The following CTDP1 variants were observed in gnomAD, a reference collection of about 807,000 sequenced individuals.
CTDP1 encodes the protein RNA polymerase II subunit A C-terminal domain phosphatase.
In CTDP1, 47 loss-of-function variants were observed where a neutral mutation model predicts 91.8. The observed-to-expected ratio is 0.51, with a 90% CI of 0.41 to 0.65. The LOEUF (loss-of-function observed/expected upper bound fraction) is 0.65. Among genes scored for constraint, CTDP1 ranks in the 30% least tolerant of loss-of-function variants. The probability of loss-of-function intolerance (pLI) is 0.00; values close to 1 mark genes in which losing one functional copy is unlikely to be tolerated. For synonymous variants in CTDP1, 656 were observed against 598.5 expected (o/e 1.10, Z -1.40); for missense variants, 1,272 against 1,373.7 (o/e 0.93, Z 1.17).
At position 79,724,223 on chromosome 18, in the gene CTDP1, A is replaced by G. The variant is rs561794302; in HGVS notation, c.2418-4684A>G. 3.9e-5 allele frequency among the ~76,000 whole-genome samples: 6 copies of G among 152,382 alleles called. No homozygotes were observed. The East Asian group carries it at 7.7e-4, about 20-fold the overall frequency. ...TGCTCAGCCCGTAAGTGTAACACAG[A>G]TATTTCAAAATTCAAAAATCCAAAA... On this transcript the variant is annotated intron_variant, in intron 10 of 12. Coordinates refer to ENST00000613122, the MANE Select transcript of CTDP1 (RefSeq NM_004715.5).
At chr18:79,706,682 C>T (rs1332662485) in intron 5 of CTDP1, among the ~76,000 whole-genome samples, 1 of 152,174 alleles carries the variant, frequency 6.6e-6, no homozygotes, top group African/African-American at 2.4e-5. Context: ...AAATCTTCAT[C>T]ATTTTATGTA....
At chr18:79,744,501 TTAAC>T (rs2086840072) in intron 12 of CTDP1, among the ~76,000 whole-genome samples, 1 of 152,302 alleles carries the variant, frequency 6.6e-6, no homozygotes, top group South Asian at 2.1e-4. Flanking sequence ...ATTCAGAGCT[TTAAC>T]TATGAGTGGA....
chr18:79,747,124 C>T (rs1480992448), intron 12 of CTDP1, among the ~76,000 whole-genome samples: 6 of 152,064 alleles, frequency 3.9e-5, no homozygotes, highest in African/African-American at 9.7e-5. Context: ...TTTTCCAGTC[C>T]TTTCATACCA....
chr18:79,694,110 T>C (rs991385594), intron 1 of CTDP1, among the ~76,000 whole-genome samples: 1 of 152,206 alleles, frequency 6.6e-6, no homozygotes, highest in Admixed American at 6.5e-5. Flanking sequence ...GGCTGTCTCA[T>C]GTCCGCGGGT....
At chr18:79,715,562 C>T in intron 8 of CTDP1, 34 bp downstream of exon 8, 1 of 1,530,052 alleles carries the variant, frequency 6.5e-7, no homozygotes, top group Non-Finnish European at 8.8e-7. Flanking sequence ...TGGGCATGGT[C>T]AGGCCCGCGG....
rs887121443 is a variant in CTDP1 at position 79,680,144 on chromosome 18, C to G, written c.197C>G (p.Ser66Cys). The G allele has an allele frequency of 2.8e-6, 4 of 1,424,934 alleles. No homozygotes were observed. In the South Asian group the frequency reaches 4.2e-5, roughly 15 times the overall value. The allele number at this position is 1,424,934 out of a possible 1,614,324, so 88.3% of individuals were successfully genotyped here. A position where few individuals can be genotyped will look rare whatever the true frequency, so the allele number is the denominator to read the frequency against. The change falls in exon 1 of 13, where the codon TCC becomes TGC. Residue 66 changes from serine to cysteine, a missense_variant. Physicochemically the swap from Ser to Cys is moderately radical, Grantham distance 112. Around this residue, in one of 3 missense-constraint regions of CTDP1, gnomAD observed 214 missense variants for 179.1 expected, o/e 1.19. Coordinates refer to ENST00000613122, the MANE Select transcript of CTDP1 (RefSeq NM_004715.5). Reference protein sequence around the residue: ...ASAQSSGASQSRVASGGCVRP... With the variant: ...ASAQSSGASQCRVASGGCVRP... The stretch of plus-strand genomic sequence containing the variant: ...GCGCAGTCCTCCGGGGCCTCTCAGT[C>G]CCGTGTAGCCTCCGGGGGCTGCGTG...
chr18:79,693,906 A>C (rs375500986), intron 1 of CTDP1, among the ~76,000 whole-genome samples: 1 of 146,624 alleles, frequency 6.8e-6, no homozygotes, highest in Non-Finnish European at 1.5e-5. Flanking sequence ...CCCCTGCAGG[A>C]TGCAGGCTGC....
intron 4 of CTDP1, 52 bp from the exon 5 acceptor site, chr18:79,704,715 G>T (rs2242176): frequency 1.2e-6 from 2 of 1,608,680 alleles, no homozygotes; most frequent in Non-Finnish European, 1.7e-6. Flanking sequence ...TTGCGGGGGC[G>T]GCCGGGGCTC....
At position 79,747,297 on chromosome 18, in the gene CTDP1, A is replaced by G. The variant is rs531180390; in HGVS notation, c.2748-6355A>G. On this transcript the variant is annotated intron_variant, in intron 12 of 12. Transcript: ENST00000613122. ...CCTGCCCCTCTTCCACCTGTAACAC[A>G]CACAGGTTCATTCTAATGCCATGAG... 8.7e-4 allele frequency among the ~76,000 whole-genome samples: 132 copies of G among 152,260 alleles called. 2 individuals carry two copies. The highest frequency in any genetic ancestry group is 1.7e-3 in the Non-Finnish European group (116 of 68,014).
intron 10 of CTDP1, among the ~76,000 whole-genome samples, chr18:79,722,261 G>A (rs1051404131): frequency 2.0e-5 from 3 of 152,216 alleles, no homozygotes; most frequent in African/African-American, 4.8e-5. Flanking sequence ...CATGGCAGCC[G>A]ATAACTGTGT....
intron 11 of CTDP1, among the ~76,000 whole-genome samples, chr18:79,733,686 A>C (rs1464732900): frequency 6.6e-6 from 1 of 152,102 alleles, no homozygotes; most frequent in African/African-American, 2.4e-5. Flanking sequence ...TCTCATGCTC[A>C]GGATGCTTTC....
intron 4 of CTDP1, among the ~76,000 whole-genome samples, chr18:79,701,218 C>G (rs944617030): frequency 2.0e-5 from 3 of 152,050 alleles, no homozygotes; most frequent in African/African-American, 7.2e-5. Flanking sequence ...TATTTAAGAA[C>G]TACATCTCCT....
upstream of CTDP1, chr18:79,677,189 G>A (rs2085265835): frequency 6.6e-6 from 1 of 152,290 alleles, no homozygotes; most frequent in Admixed American, 6.5e-5. Context: ...CACAGTGAGT[G>A]TGGAGCCCTT....
At chr18:79,711,972 C>T (rs915198302) in intron 6 of CTDP1, among the ~76,000 whole-genome samples, 29 of 11,354 alleles carry the variant, frequency 2.6e-3, no homozygotes, top group African/African-American at 6.5e-3. Context: ...GCTTCAGCCA[C>T]TTCCTGGTTC....
intron 12 of CTDP1, among the ~76,000 whole-genome samples, chr18:79,748,362 G>A (rs1179900839): frequency 6.6e-6 from 1 of 152,208 alleles, no homozygotes; most frequent in Non-Finnish European, 1.5e-5. Context: ...CGCAGCACCA[G>A]GAGGGACCGC....
upstream of CTDP1, chr18:79,679,791 G>A: frequency 1.5e-6 from 1 of 653,686 alleles, no homozygotes; most frequent in South Asian, 1.9e-5. Context: ...GTGACGTCAC[G>A]CGCCCTCCAG....
intron 4 of CTDP1, 26 bp from the exon 5 acceptor site, chr18:79,704,741 C>G: frequency 6.2e-7 from 1 of 1,612,600 alleles, no homozygotes; most frequent in East Asian, 2.2e-5. Context: ...GCCTTTTCTC[C>G]CGACTGTTGC....
Position 79,713,623 on chromosome 18 carries a change from G to C in CTDP1, c.1030+485G>C, listed in dbSNP as rs2086126884. Among the ~76,000 whole-genome samples the C allele has an allele frequency of 6.6e-6, 1 of 152,242 alleles. No individual in the cohort carries two copies. The highest frequency in any genetic ancestry group is 6.5e-5 in the Admixed American group (1 of 15,292). On this transcript the variant is annotated intron_variant, in intron 7 of 12. Coordinates refer to ENST00000613122, the MANE Select transcript of CTDP1 (RefSeq NM_004715.5). The surrounding 1 kb of genome is among the most constrained non-coding windows in gnomAD (Gnocchi z 4.7). ...CTGACGTCCACCCTACGAAAGTTAA[G>C]TGTTTTTTGATCTTTAGTTTTTTGA...
At chr18:79,727,042 G>A (rs1429573027) in intron 10 of CTDP1, among the ~76,000 whole-genome samples, 1 of 152,048 alleles carries the variant, frequency 6.6e-6, no homozygotes, top group Non-Finnish European at 1.5e-5. Context: ...CTTGCTGGTG[G>A]ACGGCTGTGG....
Sources: allele counts gnomAD v4.1 joint callset (sites outside exome capture counted in the v4.1 genomes callset), GRCh38; gene constraint gnomAD v4.1.1; regional missense constraint gnomAD v4.1.1; non-coding constraint Gnocchi (gnomAD v3.1); transcripts MANE v1.5; gene names NCBI Gene and HGNC (gene_info 2026-07-23, HGNC 2026-07-21).